The following ZNF804B variants were observed in gnomAD, a reference collection of about 807,000 sequenced individuals.
The protein encoded by ZNF804B is zinc finger 804B.
In ZNF804B, 80 loss-of-function variants were observed where a neutral mutation model predicts 101.4. That is an observed-to-expected ratio of 0.79 (90% CI 0.66 to 0.95). The LOEUF (loss-of-function observed/expected upper bound fraction) is 0.95. ZNF804B is among the 40% of genes least tolerant of loss of function. The pLI, the probability that ZNF804B is intolerant of heterozygous loss-of-function variation, is 0.00. For synonymous variants in ZNF804B, 622 were observed against 558.8 expected, an observed-to-expected ratio of 1.11 and a Z score of -1.59; for missense variants, 1,673 against 1,561.9, an observed-to-expected ratio of 1.07 and a Z score of -1.20.
At chr7:89,244,010 G>T (rs1452845972) in intron 2 of ZNF804B, among the ~76,000 whole-genome samples, 4 of 151,856 alleles carry the variant, frequency 2.6e-5, no homozygotes, top group African/African-American at 9.7e-5. Context: ...GAGGAAAAAG[G>T]ATTACAGCTT....
intron 2 of ZNF804B, among the ~76,000 whole-genome samples, chr7:89,300,137 A>G (rs917978910): frequency 2.6e-5 from 4 of 151,576 alleles, no homozygotes; most frequent in African/African-American, 9.7e-5. Flanking sequence ...AGTTACGGCC[A>G]TGTCACTCTG....
chr7:88,828,486 A>T (rs2115776591), intron 1 of ZNF804B, among the ~76,000 whole-genome samples: 1 of 152,054 alleles, frequency 6.6e-6, no homozygotes, highest in African/African-American at 2.4e-5. Context: ...CTCTGCCTCT[A>T]ATGCCAAACA....
At chr7:89,015,296 GTTTCT>G (rs1266644656) in intron 1 of ZNF804B, among the ~76,000 whole-genome samples, 1 of 148,406 alleles carries the variant, frequency 6.7e-6, no homozygotes, top group Non-Finnish European at 1.5e-5. Context: ...CTGTAGCTTT[GTTTCT>G]TTTTTCTTTT....
At chr7:89,156,008 T>C (rs1254050042) in intron 1 of ZNF804B, among the ~76,000 whole-genome samples, 1 of 119,168 alleles carries the variant, frequency 8.4e-6, no homozygotes, top group African/African-American at 2.9e-5. Flanking sequence ...TCTTTCTTTC[T>C]TTCTCTCTTT....
At chr7:89,019,738 C>A (rs1386827285) in intron 1 of ZNF804B, among the ~76,000 whole-genome samples, 1 of 151,872 alleles carries the variant, frequency 6.6e-6, no homozygotes, top group Non-Finnish European at 1.5e-5. Context: ...CTTTTTGTTT[C>A]TTTTTACAAT....
In ZNF804B at chr7:88,854,533, T is replaced by TTCCTTCCTTCCCTTC. The variant is rs796987599; in HGVS notation, c.108+94449_108+94450insTCCTTCCTTCCCTTC. ...TTTCCTTTCCTTTCCTTCCTTTCCT[T>TTCCTTCCTTCCCTTC]CCTTCCTTCCTTCCTTCCTTCCTTC... On this transcript the variant is annotated intron_variant, in intron 1 of 3. Transcript: ENST00000333190. Among the ~76,000 whole-genome samples the TTCCTTCCTTCCCTTC allele has an allele frequency of 3.8e-5, 3 of 78,178 alleles. 1 individual carries two copies. The highest frequency in any genetic ancestry group is 1.5e-4 in the Admixed American group (1 of 6,698). 51.3% of individuals were successfully genotyped at this position (78,178 alleles called of 152,430 possible).
intron 1 of ZNF804B, among the ~76,000 whole-genome samples, chr7:88,849,845 C>T (rs1462899720): frequency 2.6e-5 from 4 of 151,346 alleles, no homozygotes; most frequent in Non-Finnish European, 5.9e-5. Context: ...AAAATATTTG[C>T]CTTATTTAAA....
At chr7:89,295,399 T>C (rs886371225) in intron 2 of ZNF804B, among the ~76,000 whole-genome samples, 1 of 152,160 alleles carries the variant, frequency 6.6e-6, no homozygotes, top group Non-Finnish European at 1.5e-5. Flanking sequence ...ACTTTGCATA[T>C]TCCCTGGTAA....
intron 2 of ZNF804B, among the ~76,000 whole-genome samples, chr7:89,296,307 T>C (rs1377218990): frequency 3.9e-5 from 6 of 152,108 alleles, no homozygotes; most frequent in Admixed American, 6.6e-5. Flanking sequence ...TCTAGATTTA[T>C]AGATATGTAA....
chr7:88,846,059 G>A (rs144514348), intron 1 of ZNF804B, among the ~76,000 whole-genome samples: 6 of 152,220 alleles, frequency 3.9e-5, no homozygotes, highest in African/African-American at 1.4e-4. Context: ...GGCACTGGTG[G>A]TCAAAGATAT....
At chr7:89,132,098 G>A (rs750301812) in intron 1 of ZNF804B, among the ~76,000 whole-genome samples, 20 of 151,522 alleles carry the variant, frequency 1.3e-4, no homozygotes, top group Admixed American at 2.6e-4. Flanking sequence ...GGATAAGGAA[G>A]TCCTAGCTTT....
chr7:88,910,460 A>G (rs1792531797), intron 1 of ZNF804B, among the ~76,000 whole-genome samples: 1 of 151,930 alleles, frequency 6.6e-6, no homozygotes, highest in Admixed American at 6.6e-5. Flanking sequence ...GCTTAATTCT[A>G]TGAACCGTTG....
intron 1 of ZNF804B, among the ~76,000 whole-genome samples, chr7:88,952,965 G>A (rs1475730333): frequency 1.3e-5 from 2 of 151,672 alleles, no homozygotes; most frequent in Non-Finnish European, 3.0e-5. Context: ...GCAGTGGGAG[G>A]AATCCTGTTA....
intron 1 of ZNF804B, among the ~76,000 whole-genome samples, chr7:88,783,708 A>G (rs1790261348): frequency 6.6e-6 from 1 of 152,128 alleles, no homozygotes; most frequent in Admixed American, 6.6e-5. Context: ...AGTAGATTGA[A>G]CTTCCTTGCA....
intron 1 of ZNF804B, among the ~76,000 whole-genome samples, chr7:89,031,630 G>T (rs574248843): frequency 6.6e-6 from 1 of 150,998 alleles, no homozygotes; most frequent in South Asian, 2.1e-4. Flanking sequence ...ATGTGGAAAA[G>T]GCAAATATTT....
intron 1 of ZNF804B, among the ~76,000 whole-genome samples, chr7:89,116,176 A>C (rs538887353): frequency 2.0e-4 from 31 of 151,982 alleles, no homozygotes; most frequent in African/African-American, 7.0e-4. Context: ...GGCCTCCCAG[A>C]GTCCTGGGAT....
At chr7:88,789,547 G>T (rs556588859) in intron 1 of ZNF804B, among the ~76,000 whole-genome samples, 6 of 152,034 alleles carry the variant, frequency 3.9e-5, no homozygotes, top group Non-Finnish European at 7.4e-5. Context: ...ATATTTGAAA[G>T]GTACTTTTTG....
Position 89,100,928 on chromosome 7 carries a change from GTGTGTGTC to G in ZNF804B, c.109-117219_109-117212del, listed in dbSNP as rs1279518766. On this transcript the variant is annotated intron_variant, in intron 1 of 3. Transcript: ENST00000333190. ...AATGAAGTTTCAAGGTTATATGTGT[GTGTGTGTC>G]TGTGTGTATGTGTATATACACAGGT... Among the ~76,000 whole-genome samples, 8 of 152,148 alleles carry G rather than the reference GTGTGTGTC, an allele frequency of 5.3e-5. No homozygotes were observed. The East Asian group carries it at 1.5e-3, about 29-fold the overall frequency.
intron 2 of ZNF804B, among the ~76,000 whole-genome samples, chr7:89,304,203 C>T (rs1790525816): frequency 6.6e-6 from 1 of 151,910 alleles, no homozygotes; most frequent in Non-Finnish European, 1.5e-5. Context: ...GTCTCCCAGT[C>T]TCTGTGGGAC....
Sources: allele counts gnomAD v4.1 joint callset (sites outside exome capture counted in the v4.1 genomes callset), GRCh38; gene constraint gnomAD v4.1.1; transcripts MANE v1.5; gene names NCBI Gene and HGNC (gene_info 2026-07-23, HGNC 2026-07-21).